Variants in MAGI2 observed in about 807,000 individuals in gnomAD.
The protein encoded by MAGI2 is membrane associated guanylate kinase, WW and PDZ domain containing 2.
In MAGI2, 35 loss-of-function variants were observed where a neutral mutation model predicts 133.3. That is an observed-to-expected ratio of 0.26 (90% confidence interval 0.20 to 0.35). The LOEUF is 0.35. Ranked by LOEUF, MAGI2 falls within the 10% of genes least tolerant of loss-of-function variation. MAGI2 has a pLI of 1.00. For missense variants in MAGI2, 1,636 were observed against 1,863.4 expected (o/e 0.88, Z 2.25); for synonymous variants, 729 against 710.6 (o/e 1.03, Z -0.41).
intron 10 of MAGI2, among the ~76,000 whole-genome samples, chr7:78,246,946 TGGGCAA>T (rs1791857013): frequency 5.9e-5 from 9 of 152,190 alleles, no homozygotes; most frequent in Non-Finnish European, 1.3e-4. Flanking sequence ...CCTGGCTCTG[TGGGCAA>T]TCTCTATCCA....
chr7:79,221,133 T>C (rs1196760320), intron 1 of MAGI2, among the ~76,000 whole-genome samples: 1 of 152,050 alleles, frequency 6.6e-6, no homozygotes, highest in Non-Finnish European at 1.5e-5. Flanking sequence ...ATTAAAAATA[T>C]GAAGAGACAC....
intron 15 of MAGI2, among the ~76,000 whole-genome samples, chr7:78,161,667 T>TAAAAAAAAAAAAAAAAAAAAAAAAAAAAA (rs71515391): frequency 8.7e-5 from 6 of 68,912 alleles, no homozygotes; most frequent in East Asian, 5.4e-4. Context: ...CATCGATACC[T>TAAAAAAAAAAAAAAAAAAAAAAAAAAAAA]AAAAAAAAAA....
intron 9 of MAGI2, among the ~76,000 whole-genome samples, chr7:78,281,841 A>G (rs997589664): frequency 6.7e-6 from 1 of 148,862 alleles, no homozygotes; most frequent in Non-Finnish European, 1.5e-5. Context: ...TATCCTAATA[A>G]CCTTATTTCA....
chr7:78,540,510 A>G (rs1798322967), intron 3 of MAGI2, among the ~76,000 whole-genome samples: 3 of 152,128 alleles, frequency 2.0e-5, no homozygotes, highest in Admixed American at 2.0e-4. Context: ...AAGCCTCTGG[A>G]CTGAGAGAGA....
At chr7:78,228,318 G>C (rs1352793659) in intron 10 of MAGI2, among the ~76,000 whole-genome samples, 17 of 152,154 alleles carry the variant, frequency 1.1e-4, no homozygotes, top group Non-Finnish European at 1.5e-5. Context: ...GAATCACTTA[G>C]GGTTACGAGT....
chr7:78,446,773 C>T (rs1788184231), intron 6 of MAGI2, among the ~76,000 whole-genome samples: 5 of 152,042 alleles, frequency 3.3e-5, no homozygotes, highest in Non-Finnish European at 1.5e-5. Flanking sequence ...AGGTTTTGCT[C>T]TTCAAATGAA....
chr7:78,620,537 C>T (rs1284967821), intron 3 of MAGI2, among the ~76,000 whole-genome samples: 2 of 151,892 alleles, frequency 1.3e-5, no homozygotes, highest in East Asian at 1.9e-4. Context: ...TATGAGAAAA[C>T]TTGAATTTCA....
At chr7:78,501,039 G>A (rs1393246136) in intron 5 of MAGI2, among the ~76,000 whole-genome samples, 2 of 152,230 alleles carry the variant, frequency 1.3e-5, no homozygotes, top group African/African-American at 4.8e-5. Context: ...TGTGAGCCGT[G>A]ATTGTGCCAC....
Position 78,135,018 on chromosome 7 carries a change from C to A in MAGI2, c.3031+3G>T. On this transcript the variant is annotated splice_donor_region_variant and intron_variant, in intron 17 of 21. Coordinates refer to ENST00000354212, the MANE Select transcript of MAGI2 (RefSeq NM_012301.4). ...TCTCTGCAAGGCTGCCTCAGGCACT[C>A]ACCCTCCTGAGGAATGATGCGAAGG... 6.2e-7 allele frequency: 1 copy of A among 1,613,314 alleles called. No homozygotes were observed. Among genetic ancestry groups the A allele is most frequent in the Non-Finnish European group, 8.5e-7 (1 of 1,179,574 alleles).
At chr7:79,314,106 T>G (rs2129560948) in intron 1 of MAGI2, among the ~76,000 whole-genome samples, 1 of 152,332 alleles carries the variant, frequency 6.6e-6, no homozygotes, top group East Asian at 1.9e-4. Context: ...CCAGAGTAGT[T>G]GGGATTACAG....
chr7:78,499,579 A>G (rs1794435513), intron 5 of MAGI2, among the ~76,000 whole-genome samples: 1 of 152,206 alleles, frequency 6.6e-6, no homozygotes, highest in Non-Finnish European at 1.5e-5. Flanking sequence ...TGTCTTTTGA[A>G]GTTATTTTTC....
At chr7:78,212,660 A>G (rs1467341349) in intron 10 of MAGI2, among the ~76,000 whole-genome samples, 1 of 152,222 alleles carries the variant, frequency 6.6e-6, no homozygotes, top group Admixed American at 6.5e-5. Flanking sequence ...GGAATGTATT[A>G]TGGTAGCAGT....
chr7:78,245,168 C>T (rs798355), intron 10 of MAGI2, among the ~76,000 whole-genome samples: 58,195 of 152,080 alleles, frequency 0.38, 11,995 homozygotes, highest in East Asian at 0.7. Context: ...ACGAGAAACA[C>T]TAAGATAACT....
At chr7:78,396,778 G>A (rs1394184889) in intron 6 of MAGI2, among the ~76,000 whole-genome samples, 2 of 152,140 alleles carry the variant, frequency 1.3e-5, no homozygotes, top group Non-Finnish European at 2.9e-5. Flanking sequence ...TAAGTGAAGA[G>A]GGTGATGTGA....
intron 21 of MAGI2, among the ~76,000 whole-genome samples, chr7:78,069,573 G>GAGAGAGAGAGAGAGAGAGAGAGAGAGT (rs1434894272): frequency 9.1e-6 from 1 of 110,396 alleles, no homozygotes; most frequent in Non-Finnish European, 1.9e-5. Context: ...AGAGAGAGAG[G>GAGAGAGAGAGAGAGAGAGAGAGAGAGT]CTTCTGATTC....
At chr7:79,178,666 C>A (rs1424381914) in intron 1 of MAGI2, among the ~76,000 whole-genome samples, 3 of 151,368 alleles carry the variant, frequency 2.0e-5, no homozygotes, top group Admixed American at 1.3e-4. Flanking sequence ...GAGCCGAGAT[C>A]ACGCCACTGC....
At chr7:79,253,769 C>T (rs907481293) in intron 1 of MAGI2, among the ~76,000 whole-genome samples, 8 of 152,234 alleles carry the variant, frequency 5.3e-5, no homozygotes, top group Middle Eastern at 3.4e-3. Flanking sequence ...ACTCCTTTTC[C>T]TCTCCCAGAA....
chr7:78,065,164 C>T (rs1242387936), intron 21 of MAGI2, among the ~76,000 whole-genome samples: 2 of 152,084 alleles, frequency 1.3e-5, no homozygotes, highest in Non-Finnish European at 2.9e-5. Context: ...GAAGGTCTGG[C>T]AACTGTGGCT....
At chr7:79,240,342 G>T (rs1184253293) in intron 1 of MAGI2, among the ~76,000 whole-genome samples, 2 of 150,192 alleles carry the variant, frequency 1.3e-5, no homozygotes, top group South Asian at 4.2e-4. Flanking sequence ...AGGAGAAAGT[G>T]GTGGTTTATC....
Sources: allele counts gnomAD v4.1 joint callset (sites outside exome capture counted in the v4.1 genomes callset), GRCh38; gene constraint gnomAD v4.1.1; transcripts MANE v1.5; gene names NCBI Gene and HGNC (gene_info 2026-07-23, HGNC 2026-07-21).